Variants in HUNK observed in about 807,000 individuals in gnomAD.
HUNK encodes hormonally up-regulated neu tumor-associated kinase.
HUNK carries 21 observed loss-of-function variants against 61.0 expected under a neutral mutation model. The observed-to-expected ratio is 0.34, with a 90% CI of 0.24 to 0.50. The LOEUF (loss-of-function observed/expected upper bound fraction) is 0.50. Among genes scored for constraint, HUNK ranks in the 20% least tolerant of loss-of-function variants. HUNK has a pLI of 0.98. For synonymous variants in HUNK, 371 were observed against 386.1 expected, an observed-to-expected ratio of 0.96 and a Z score of 0.46; for missense variants, 772 against 945.7, an observed-to-expected ratio of 0.82 and a Z score of 2.41.
rs1568912651 is a variant in HUNK, at chr21:31,873,576, G to C, written c.-99G>C. The C allele has an allele frequency of 1.1e-6, 1 of 932,364 alleles. No individual in the cohort carries two copies. The highest frequency in any genetic ancestry group is 1.8e-5 in the African/African-American group (1 of 56,190). 57.8% of individuals were successfully genotyped at this position (932,364 alleles called of 1,614,324 possible). On this transcript the variant is annotated 5_prime_UTR_variant, in exon 1 of 11. Transcript: ENST00000270112. This position sits in a 1 kb window ranked among gnomAD's most constrained non-coding sequence, Gnocchi z 6.1. ...GGAGACCCAGGCGGGGCTGGGCCCA[G>C]GGCGGCGGCGGGAGAAGCCGGGGAA...
chr21:31,975,901 A>G (rs569580841), intron 7 of HUNK, among the ~76,000 whole-genome samples: 1 of 152,320 alleles, frequency 6.6e-6, no homozygotes, highest in Admixed American at 6.5e-5. Flanking sequence ...AACATTGCTG[A>G]ACAGATGAAG....
In HUNK at chr21:31,966,896, G is replaced by A. The variant is rs142639012; in HGVS notation, c.875-1354G>A. 7.3e-3 allele frequency among the ~76,000 whole-genome samples: 1,116 copies of A among 152,166 alleles called. 10 individuals carry two copies. The highest frequency in any genetic ancestry group is 0.024 in the African/African-American group (990 of 41,514). Reference sequence around the variant, plus strand: ...TTCTTCATATTGCAAAAACATTACCGCAATACTTTGTAAAATAAGGGCTAT... The same window carrying A: ...TTCTTCATATTGCAAAAACATTACCACAATACTTTGTAAAATAAGGGCTAT... On this transcript the variant is annotated intron_variant, in intron 5 of 10. Transcript: ENST00000270112.
chr21:31,963,023 A>G (rs1429175433), intron 5 of HUNK, among the ~76,000 whole-genome samples: 1 of 152,240 alleles, frequency 6.6e-6, no homozygotes, highest in African/African-American at 2.4e-5. Flanking sequence ...AGGTTTGAGG[A>G]TCAGCTGCTG....
chr21:31,918,206 T>G (rs60802373), intron 1 of HUNK, among the ~76,000 whole-genome samples: 3,844 of 150,216 alleles, frequency 0.026, 180 homozygotes, highest in African/African-American at 0.092. Flanking sequence ...TTCAGTATTA[T>G]CAACTTGTAA....
At chr21:31,968,767 T>A (rs898207840) in intron 6 of HUNK, among the ~76,000 whole-genome samples, 6 of 141,100 alleles carry the variant, frequency 4.3e-5, no homozygotes, top group East Asian at 2.1e-4. Context: ...AGAGAGAGAG[T>A]GAGTGTCTAT....
intron 6 of HUNK, 95 bp downstream of exon 6, chr21:31,968,480 G>A: frequency 1.4e-6 from 2 of 1,447,812 alleles, no homozygotes; most frequent in Non-Finnish European, 1.9e-6. Context: ...CGTGATTGAA[G>A]GAAAAGCCGC....
chr21:31,894,502 G>T (rs969548054), intron 1 of HUNK, among the ~76,000 whole-genome samples: 1 of 152,158 alleles, frequency 6.6e-6, no homozygotes, highest in Non-Finnish European at 1.5e-5. Flanking sequence ...CATTTGTTTT[G>T]TCATTCAAAC....
chr21:31,979,510 GCATT>G (rs1197076437), intron 7 of HUNK, among the ~76,000 whole-genome samples: 8 of 116,538 alleles, frequency 6.9e-5, no homozygotes, highest in Middle Eastern at 5.4e-3. Context: ...TGAGTTGTTT[GCATT>G]CTTTTTTTTT....
At chr21:31,973,606 T>TGATGAG in intron 6 of HUNK, among the ~76,000 whole-genome samples, 1 of 151,966 alleles carries the variant, frequency 6.6e-6, no homozygotes. Context: ...ATGATGATGA[T>TGATGAG]GATGGATGTG....
At position 31,924,632 on chromosome 21, in the gene HUNK, G is replaced by C. The variant is rs148302130; in HGVS notation, c.426G>C (p.Leu142=). 33 of 1,614,102 alleles carry C rather than the reference G, an allele frequency of 2.0e-5. No individual in the cohort carries two copies. Among genetic ancestry groups the C allele is most frequent in the Non-Finnish European group, 2.8e-5 (33 of 1,180,044 alleles). ...TENSYYLVME[L]CPGGNLMHKI... is the part of the protein sequence containing the mutation. ...ACAGCTACTACCTGGTCATGGAGCTGTGCCCTGGGGGCAACCTGATGCACA... is the reference window on the plus strand; with the variant it reads ...ACAGCTACTACCTGGTCATGGAGCTCTGCCCTGGGGGCAACCTGATGCACA... Residue 142 remains leucine, a synonymous_variant, in exon 2 of 11, where the codon CTG becomes CTC. Transcript: ENST00000270112. The surrounding 1 kb of genome is among the most constrained non-coding windows in gnomAD (Gnocchi z 5.1).
At chr21:31,980,790 C>T (rs140007931) in intron 7 of HUNK, among the ~76,000 whole-genome samples, 235 of 152,200 alleles carry the variant, frequency 1.5e-3, no homozygotes, top group African/African-American at 5.3e-3. Context: ...TCGCAACCTC[C>T]GTCTCCCAGG....
intron 1 of HUNK, among the ~76,000 whole-genome samples, chr21:31,887,619 G>A (rs995491470): frequency 7.9e-5 from 12 of 152,206 alleles, no homozygotes; most frequent in African/African-American, 2.7e-4. Flanking sequence ...AGACGCTCTT[G>A]TATGTGACGC....
chr21:31,998,490 C>T (rs760336730), intron 10 of HUNK, 36 bp from the exon 11 acceptor site: 18 of 1,530,816 alleles, frequency 1.2e-5, no homozygotes, highest in East Asian at 2.3e-5. Flanking sequence ...ACTGTCCGGA[C>T]GTCCTCATGA....
chr21:31,875,157 G>A (rs1242327704), intron 1 of HUNK, among the ~76,000 whole-genome samples: 3 of 152,206 alleles, frequency 2.0e-5, no homozygotes, highest in East Asian at 1.9e-4. Context: ...CCTGGGAGCC[G>A]AGCCCTCTGC....
At chr21:31,879,421 GC>G (rs2052289625) in intron 1 of HUNK, among the ~76,000 whole-genome samples, 1 of 152,182 alleles carries the variant, frequency 6.6e-6, no homozygotes, top group Non-Finnish European at 1.5e-5. Flanking sequence ...TTCCTGCCCT[GC>G]CTCATCTTTT....
At chr21:31,929,517 A>G (rs975862739) in intron 2 of HUNK, among the ~76,000 whole-genome samples, 13 of 152,234 alleles carry the variant, frequency 8.5e-5, no homozygotes, top group African/African-American at 3.1e-4. Context: ...TTGTATATAG[A>G]GCATCAACTC....
At chr21:31,965,478 T>TA (rs202083595) in intron 5 of HUNK, among the ~76,000 whole-genome samples, 1 of 151,870 alleles carries the variant, frequency 6.6e-6, no homozygotes, top group African/African-American at 2.4e-5. Context: ...AAATTTTTTT[T>TA]AAAGTACGTT....
chr21:31,960,932 C>T (rs2052923704), intron 5 of HUNK, among the ~76,000 whole-genome samples: 1 of 152,132 alleles, frequency 6.6e-6, no homozygotes, highest in South Asian at 2.1e-4. Flanking sequence ...ACCCATTGAC[C>T]TTGTTCAGAT....
In HUNK at chr21:31,892,161, A is replaced by AT. The variant is rs67311610; in HGVS notation, c.261+18226_261+18227insT. 3.7e-3 allele frequency among the ~76,000 whole-genome samples: 371 copies of AT among 100,518 alleles called. 2 individuals carry two copies. Among genetic ancestry groups the AT allele is most frequent in the Admixed American group, 0.011 (108 of 9,454 alleles). The allele number at this position is 100,518 out of a possible 152,430, so 65.9% of individuals were successfully genotyped here. The stretch of plus-strand genomic sequence containing the variant: ...TGAGAATTTGGTTAAAAAAAAAAAA[A>AT]AATATATATATATATATATAGAGAG... On this transcript the variant is annotated intron_variant, in intron 1 of 10. Coordinates refer to ENST00000270112, the MANE Select transcript of HUNK (RefSeq NM_014586.2).
Sources: allele counts gnomAD v4.1 joint callset (sites outside exome capture counted in the v4.1 genomes callset), GRCh38; gene constraint gnomAD v4.1.1; non-coding constraint Gnocchi (gnomAD v3.1); transcripts MANE v1.5; gene names NCBI Gene and HGNC (gene_info 2026-07-23, HGNC 2026-07-21).